Variants in ZNF475 observed in about 807,000 individuals in gnomAD.
ZNF475 encodes the protein zinc finger protein 475.
chr5:122,172,965 A>C, the ZNF475 span, among the ~76,000 whole-genome samples: 2 of 152,066 alleles, frequency 1.3e-5, no homozygotes, highest in African/African-American at 4.8e-5. Context: ...CCCGGGAGGC[A>C]GAGCTTGCAG....
At chr5:122,168,394 G>A in the ZNF475 span, among the ~76,000 whole-genome samples, 1 of 152,116 alleles carries the variant, frequency 6.6e-6, no homozygotes, top group African/African-American at 2.4e-5. Context: ...GAACCAATTT[G>A]CATTTCTCCA....
the ZNF475 span, among the ~76,000 whole-genome samples, chr5:122,164,053 CAGG>C: frequency 6.6e-6 from 1 of 152,030 alleles, no homozygotes; most frequent in Non-Finnish European, 1.5e-5. Context: ...ACTGACTCTG[CAGG>C]AGATCTCAGC....
At chr5:122,181,422 A>G in the ZNF475 span, among the ~76,000 whole-genome samples, 29 of 152,312 alleles carry the variant, frequency 1.9e-4, 1 homozygote, top group South Asian at 5.4e-3. Context: ...CTCATTTTTC[A>G]AAGCACTGAA....
chr5:122,162,884 TC>T, the ZNF475 span: 1 of 152,172 alleles, frequency 6.6e-6, no homozygotes, highest in African/African-American at 2.4e-5. Flanking sequence ...TGCTAGTTTT[TC>T]CCCAGTCCCA....
chr5:122,166,959 G>A, the ZNF475 span, among the ~76,000 whole-genome samples: 1 of 152,182 alleles, frequency 6.6e-6, no homozygotes, highest in Non-Finnish European at 1.5e-5. Context: ...GGCTTTTGTT[G>A]CCATTGCTTT....
chr5:122,161,643 A>AT, the ZNF475 span, among the ~76,000 whole-genome samples: 1 of 151,850 alleles, frequency 6.6e-6, no homozygotes, highest in East Asian at 1.9e-4. Context: ...GTCAGAGAGC[A>AT]TTTTTTTTCA....
chr5:122,179,962 C>A, the ZNF475 span: 1 of 314,986 alleles, frequency 3.2e-6, no homozygotes, highest in Non-Finnish European at 5.7e-6. Flanking sequence ...ATGAGAGGGA[C>A]CTATGGGAAT....
chr5:122,170,222 T>G, the ZNF475 span, among the ~76,000 whole-genome samples: 1 of 152,078 alleles, frequency 6.6e-6, no homozygotes, highest in African/African-American at 2.4e-5. Context: ...CAACAACCAG[T>G]TCTCTAGTTC....
chr5:122,169,433 C>T, the ZNF475 span, among the ~76,000 whole-genome samples: 202 of 152,236 alleles, frequency 1.3e-3, 1 homozygote, highest in Non-Finnish European at 8.8e-5. Context: ...CAACCTCCAG[C>T]TTGGTGCTGG....
the ZNF475 span, among the ~76,000 whole-genome samples, chr5:122,178,398 C>A: frequency 6.6e-6 from 1 of 152,340 alleles, no homozygotes; most frequent in East Asian, 1.9e-4. Context: ...ACATCCTCTC[C>A]AGCATCTGTT....
chr5:122,181,378 G>T, the ZNF475 span, among the ~76,000 whole-genome samples: 1 of 152,082 alleles, frequency 6.6e-6, no homozygotes, highest in African/African-American at 2.4e-5. Flanking sequence ...TTTAAAACTC[G>T]CATGAGTAAC....
At chr5:122,168,033 T>C in the ZNF475 span, among the ~76,000 whole-genome samples, 6 of 152,154 alleles carry the variant, frequency 3.9e-5, no homozygotes, top group Non-Finnish European at 8.8e-5. Context: ...TCCAGTTGCA[T>C]TCGTGTTTTG....
the ZNF475 span, among the ~76,000 whole-genome samples, chr5:122,173,026 C>A: frequency 6.6e-6 from 1 of 151,872 alleles, no homozygotes; most frequent in Admixed American, 6.6e-5. Flanking sequence ...GAGCGAGACT[C>A]CGTCTCAGAA....
At chr5:122,177,109 A>G in the ZNF475 span, among the ~76,000 whole-genome samples, 1 of 152,198 alleles carries the variant, frequency 6.6e-6, no homozygotes, top group Admixed American at 6.5e-5. Flanking sequence ...TTAACAAGCG[A>G]CTGTGGTACA....
At chr5:122,177,790 G>T in the ZNF475 span, among the ~76,000 whole-genome samples, 2 of 151,916 alleles carry the variant, frequency 1.3e-5, no homozygotes, top group Non-Finnish European at 2.9e-5. Flanking sequence ...TACGTGTGCA[G>T]AATGTGCAGG....
chr5:122,169,672 C>CG, the ZNF475 span, among the ~76,000 whole-genome samples: 2 of 152,066 alleles, frequency 1.3e-5, 1 homozygote. Flanking sequence ...AGTCAAGAGG[C>CG]GGGGGGTGGA....
chr5:122,182,371 T>C, the ZNF475 span: 3 of 695,388 alleles, frequency 4.3e-6, no homozygotes, highest in South Asian at 2.9e-5. Flanking sequence ...ATATTTTCCA[T>C]AGAAAGTAGA....
the ZNF475 span, among the ~76,000 whole-genome samples, chr5:122,172,479 TAGAC>T: frequency 1.3e-5 from 2 of 152,184 alleles, no homozygotes; most frequent in African/African-American, 4.8e-5. Flanking sequence ...CTGGGGCTAA[TAGAC>T]AGGTTTTAGG....
the ZNF475 span, among the ~76,000 whole-genome samples, chr5:122,163,512 C>A: frequency 6.6e-6 from 1 of 152,316 alleles, no homozygotes; most frequent in African/African-American, 2.4e-5. Flanking sequence ...GCCCTGTGCA[C>A]TTACCACAGA....
Sources: allele counts gnomAD v4.1 joint callset (sites outside exome capture counted in the v4.1 genomes callset), GRCh38; gene constraint gnomAD v4.1.1; transcripts MANE v1.5; gene names NCBI Gene and HGNC (gene_info 2026-07-23, HGNC 2026-07-21).